Variants in PTPRD observed in about 807,000 individuals in gnomAD.
PTPRD encodes the protein receptor-type tyrosine-protein phosphatase delta.
A neutral mutation model predicts 214.5 loss-of-function variants in PTPRD; 34 were observed. The ratio of observed to expected loss-of-function variants is 0.16; its 90% CI spans 0.12 to 0.21. The LOEUF (loss-of-function observed/expected upper bound fraction) is 0.21. Among genes scored for constraint, PTPRD ranks in the 10% least tolerant of loss-of-function variants. The pLI is 1.00. For synonymous variants in PTPRD, 1,128 were observed against 845.7 expected (o/e 1.33, Z -5.79); for missense variants, 2,545 against 2,398.7 (o/e 1.06, Z -1.27).
At chr9:10,397,799 A>C (rs1397651708) in intron 2 of PTPRD, among the ~76,000 whole-genome samples, 1 of 151,914 alleles carries the variant, frequency 6.6e-6, no homozygotes, top group Non-Finnish European at 1.5e-5. Flanking sequence ...GTAACTAAGA[A>C]AATGGATTAT....
chr9:8,687,938 G>C (rs1245365391), intron 12 of PTPRD, among the ~76,000 whole-genome samples: 1 of 151,950 alleles, frequency 6.6e-6, no homozygotes, highest in African/African-American at 2.4e-5. Flanking sequence ...CAAATAATCA[G>C]AAAAATAAAC....
intron 8 of PTPRD, among the ~76,000 whole-genome samples, chr9:9,434,900 A>G (rs2084620985): frequency 6.7e-6 from 1 of 148,778 alleles, no homozygotes; most frequent in Non-Finnish European, 1.5e-5. Flanking sequence ...TAATATTCTT[A>G]TCAGATAGTT....
intron 12 of PTPRD, among the ~76,000 whole-genome samples, chr9:8,688,961 A>G (rs750340784): frequency 9.2e-5 from 14 of 152,234 alleles, no homozygotes; most frequent in African/African-American, 1.9e-4. Flanking sequence ...CATTTGAAGA[A>G]TGTTCTAAAT....
At chr9:8,649,429 C>G (rs7041298) in intron 12 of PTPRD, among the ~76,000 whole-genome samples, 1 of 152,132 alleles carries the variant, frequency 6.6e-6, no homozygotes, top group Non-Finnish European at 1.5e-5. Flanking sequence ...CATCTATCAA[C>G]TGCACACTGG....
At chr9:9,903,101 G>A (rs16924754) in intron 5 of PTPRD, among the ~76,000 whole-genome samples, 11,209 of 152,064 alleles carry the variant, frequency 0.074, 567 homozygotes, top group African/African-American at 0.13. Context: ...ACCACCTGTA[G>A]CATGAAATAA....
chr9:9,979,232 G>C (rs937189260), intron 4 of PTPRD, among the ~76,000 whole-genome samples: 1 of 151,796 alleles, frequency 6.6e-6, no homozygotes, highest in African/African-American at 2.4e-5. Flanking sequence ...AAATATAAAA[G>C]CCTTTTAAAA....
At chr9:8,621,499 C>T (rs887120634) in intron 14 of PTPRD, among the ~76,000 whole-genome samples, 1 of 151,890 alleles carries the variant, frequency 6.6e-6, no homozygotes, top group Non-Finnish European at 1.5e-5. Flanking sequence ...AACCCCAGTC[C>T]TACTGGGCAG....
At chr9:10,406,410 C>G (rs1381545403) in intron 2 of PTPRD, among the ~76,000 whole-genome samples, 1 of 151,476 alleles carries the variant, frequency 6.6e-6, no homozygotes, top group African/African-American at 2.4e-5. Flanking sequence ...TATGTCATGT[C>G]TACACAGATT....
At chr9:9,909,127 T>A (rs2078450027) in intron 5 of PTPRD, among the ~76,000 whole-genome samples, 1 of 152,006 alleles carries the variant, frequency 6.6e-6, no homozygotes, top group South Asian at 2.1e-4. Flanking sequence ...AGGGAGTAGA[T>A]GTAATGATTT....
chr9:8,632,379 C>G (rs988186569), intron 14 of PTPRD, among the ~76,000 whole-genome samples: 1 of 151,882 alleles, frequency 6.6e-6, no homozygotes, highest in Non-Finnish European at 1.5e-5. Flanking sequence ...TGTACTTAAT[C>G]TACATAAGTT....
chr9:9,106,077 C>T (rs2099798100), intron 10 of PTPRD, among the ~76,000 whole-genome samples: 1 of 152,118 alleles, frequency 6.6e-6, no homozygotes, highest in African/African-American at 2.4e-5. Flanking sequence ...AAAGGTTGAA[C>T]ATGGCAACTA....
At chr9:8,572,550 G>T (rs910193800) in intron 14 of PTPRD, among the ~76,000 whole-genome samples, 8 of 151,990 alleles carry the variant, frequency 5.3e-5, no homozygotes, top group African/African-American at 1.9e-4. Flanking sequence ...AAGCTGAAAT[G>T]AAGAGTAATG....
In PTPRD at chr9:9,946,344, G is replaced by C. The variant is rs371962352; in HGVS notation, c.-471-7734C>G. ...ATCATGTTACAATAAGTATAACTGA[G>C]AGATGCACAAAGCACTACATATGGC... On this transcript the variant is annotated intron_variant, in intron 4 of 45. Coordinates refer to ENST00000381196, the MANE Select transcript of PTPRD (RefSeq NM_002839.4). Among the ~76,000 whole-genome samples, 21 of 152,262 alleles carry C rather than the reference G, an allele frequency of 1.4e-4. No homozygotes were observed. In the East Asian group the frequency reaches 2.5e-3, roughly 18 times the overall value.
At chr9:9,043,768 G>A (rs1045472809) in intron 10 of PTPRD, among the ~76,000 whole-genome samples, 1 of 152,006 alleles carries the variant, frequency 6.6e-6, no homozygotes, top group African/African-American at 2.4e-5. Flanking sequence ...GCTGGAGGTG[G>A]TGGTTTGTGC....
chr9:9,394,342 T>G (rs10977720), intron 9 of PTPRD, among the ~76,000 whole-genome samples: 39,868 of 152,066 alleles, frequency 0.26, 5,361 homozygotes, highest in Middle Eastern at 0.3. Flanking sequence ...TTTTATTGCC[T>G]TTAGTGCTCT....
chr9:9,459,010 G>A (rs189645067), intron 8 of PTPRD, among the ~76,000 whole-genome samples: 3 of 152,048 alleles, frequency 2.0e-5, no homozygotes, highest in Admixed American at 2.0e-4. Flanking sequence ...GAATGGTCAT[G>A]CTTTAAATGG....
intron 7 of PTPRD, among the ~76,000 whole-genome samples, chr9:9,732,490 C>A (rs2098215226): frequency 6.6e-6 from 1 of 152,054 alleles, no homozygotes; most frequent in Non-Finnish European, 1.5e-5. Flanking sequence ...GAAATTCATA[C>A]TGACAATTTA....
chr9:9,449,756 T>G (rs903504513), intron 8 of PTPRD, among the ~76,000 whole-genome samples: 2 of 151,758 alleles, frequency 1.3e-5, no homozygotes, highest in Non-Finnish European at 2.9e-5. Flanking sequence ...ATTTCAATAG[T>G]TTTGGGGGTA....
chr9:8,667,065 G>A lies in PTPRD; in HGVS notation c.65-30221C>T, dbSNP rs191407113. ...TTGAAACAAAACCAGAAGGCCAGGC[G>A]CCATGGCTCACGCCTATAATCCCAA... is the stretch of plus-strand genomic sequence containing the variant. On this transcript the variant is annotated intron_variant, in intron 12 of 45. Transcript: ENST00000381196. 7.1e-4 allele frequency among the ~76,000 whole-genome samples: 108 copies of A among 152,246 alleles called. 1 individual carries two copies. The highest frequency in any genetic ancestry group is 2.6e-3 in the African/African-American group (106 of 41,556).
Sources: allele counts gnomAD v4.1 joint callset (sites outside exome capture counted in the v4.1 genomes callset), GRCh38; gene constraint gnomAD v4.1.1; transcripts MANE v1.5; gene names NCBI Gene and HGNC (gene_info 2026-07-23, HGNC 2026-07-21).